PPM1B: variants seen among roughly 807,000 people sequenced by gnomAD.
The protein encoded by PPM1B is protein phosphatase 1B.
PPM1B carries 22 observed loss-of-function variants against 43.0 expected under a neutral mutation model. The ratio of observed to expected loss-of-function variants is 0.51; its 90% CI spans 0.37 to 0.73. The LOEUF (loss-of-function observed/expected upper bound fraction) is 0.73. Ranked by LOEUF, PPM1B falls within the 30% of genes least tolerant of loss-of-function variation. The pLI is 0.00. For synonymous variants in PPM1B, 217 were observed against 197.9 expected (o/e 1.10, Z -0.81); for missense variants, 632 against 584.2 (o/e 1.08, Z -0.84).
chr2:44,179,572 G>A (rs1006393941), intron 1 of PPM1B, among the ~76,000 whole-genome samples: 10 of 152,062 alleles, frequency 6.6e-5, no homozygotes, highest in African/African-American at 2.4e-4. Context: ...TTTTCCTAAT[G>A]ACAAAATCTT....
chr2:44,246,887 C>G (rs1247345911), downstream of PPM1B, among the ~76,000 whole-genome samples: 1 of 152,012 alleles, frequency 6.6e-6, no homozygotes, highest in Non-Finnish European at 1.5e-5. Flanking sequence ...CCTTTTTATT[C>G]TGTATGTATG....
At chr2:44,222,093 G>A (rs1311063642) in intron 5 of PPM1B, among the ~76,000 whole-genome samples, 1 of 152,010 alleles carries the variant, frequency 6.6e-6, no homozygotes, top group African/African-American at 2.4e-5. Context: ...ACTACATTTT[G>A]CTGTAAGTTG....
chr2:44,214,357 C>G (rs1669622367), intron 3 of PPM1B, among the ~76,000 whole-genome samples: 2 of 151,670 alleles, frequency 1.3e-5, no homozygotes, highest in Admixed American at 1.3e-4. Context: ...GCGTGAGCCA[C>G]TGCGCCCGAC....
intron 5 of PPM1B, among the ~76,000 whole-genome samples, chr2:44,222,606 C>G (rs564454548): frequency 6.3e-4 from 96 of 152,250 alleles, no homozygotes; most frequent in African/African-American, 2.2e-3. Flanking sequence ...CAGCACCCTT[C>G]TTTTACACAT....
At chr2:44,233,225 G>T (rs972803013), downstream of PPM1B, 27 of 908,480 alleles carry the variant, frequency 3.0e-5, no homozygotes, top group African/African-American at 1.6e-4. Context: ...AATCATTTAT[G>T]TTATTTTAAA....
intron 5 of PPM1B, among the ~76,000 whole-genome samples, chr2:44,221,538 T>C (rs1023391789): frequency 3.9e-5 from 6 of 152,170 alleles, no homozygotes; most frequent in Admixed American, 2.6e-4. Flanking sequence ...GAAAGTATGC[T>C]AGAATTACAG....
At chr2:44,187,064 C>G (rs1321920851) in intron 1 of PPM1B, among the ~76,000 whole-genome samples, 1 of 152,186 alleles carries the variant, frequency 6.6e-6, no homozygotes, top group Non-Finnish European at 1.5e-5. Flanking sequence ...AAACTCTATG[C>G]CCATTAAACA....
At chr2:44,217,353 C>G (rs1362851109) in intron 3 of PPM1B, among the ~76,000 whole-genome samples, 1 of 150,306 alleles carries the variant, frequency 6.7e-6, no homozygotes, top group Non-Finnish European at 1.5e-5. Flanking sequence ...GAGCCAAGAT[C>G]ACGCCATTGC....
At chr2:44,242,019 C>T (rs953296732) in intron 5 of PPM1B, among the ~76,000 whole-genome samples, 1 of 151,410 alleles carries the variant, frequency 6.6e-6, no homozygotes, top group East Asian at 1.9e-4. Flanking sequence ...CCACCACGCC[C>T]GGCTAATTTT....
intron 1 of PPM1B, among the ~76,000 whole-genome samples, 168 bp downstream of exon 1, chr2:44,169,442 G>A (rs1331227714): frequency 1.3e-5 from 2 of 152,244 alleles, no homozygotes; most frequent in African/African-American, 4.8e-5. Context: ...GCAGGGGAAC[G>A]CCGGGCCTGG....
chr2:44,178,896 C>G (rs1199634290), intron 1 of PPM1B, among the ~76,000 whole-genome samples: 1 of 152,106 alleles, frequency 6.6e-6, no homozygotes, highest in Admixed American at 6.6e-5. Flanking sequence ...TTTATTTAAT[C>G]CAGTATTTCC....
intron 1 of PPM1B, among the ~76,000 whole-genome samples, chr2:44,173,723 A>G (rs1667456758): frequency 6.6e-6 from 1 of 152,160 alleles, no homozygotes; most frequent in Non-Finnish European, 1.5e-5. Flanking sequence ...TTGGTGAATC[A>G]CTTGAGGTCA....
At position 44,201,434 on chromosome 2, in the gene PPM1B, A is replaced by C. The variant is rs772043203; in HGVS notation, c.235A>C (p.Ile79Leu). 1 of 1,614,196 alleles carries C rather than the reference A, an allele frequency of 6.2e-7. No individual in the cohort carries two copies. Among genetic ancestry groups the C allele is most frequent in the Non-Finnish European group, 8.5e-7 (1 of 1,180,024 alleles). Reference sequence around the variant, plus strand: ...CTGCTCAACACATTTATTAGAACACATCACTACTAACGAAGACTTTAGGGC... The same window carrying C: ...CTGCTCAACACATTTATTAGAACACCTCACTACTAACGAAGACTTTAGGGC... ...NYCSTHLLEH[I>L]TTNEDFRAAG... Residue 79 changes from isoleucine to leucine, a missense_variant, in exon 2 of 6, where the codon ATC becomes CTC. Physicochemically the swap from Ile to Leu is conservative, Grantham distance 5. Coordinates refer to ENST00000282412, the MANE Select transcript of PPM1B (RefSeq NM_002706.6). The surrounding 1 kb of genome is among the most constrained non-coding windows in gnomAD (Gnocchi z 5.4).
chr2:44,227,829 C>A (rs1670285949), intron 5 of PPM1B, among the ~76,000 whole-genome samples: 1 of 151,778 alleles, frequency 6.6e-6, no homozygotes, highest in Admixed American at 6.6e-5. Flanking sequence ...CCAGTATCAT[C>A]CATTTTTTGC....
At chr2:44,178,470 A>T (rs1211886854) in intron 1 of PPM1B, among the ~76,000 whole-genome samples, 1 of 76,762 alleles carries the variant, frequency 1.3e-5, no homozygotes, top group African/African-American at 4.3e-5. Context: ...ATATATATAT[A>T]TATATTTTTT....
At chr2:44,209,418 CA>C in intron 3 of PPM1B, 91 bp downstream of exon 3, 2 of 1,343,422 alleles carry the variant, frequency 1.5e-6, no homozygotes, top group Non-Finnish European at 2.0e-6. Flanking sequence ...GGCGACACAC[CA>C]AGGCTCTGTC....
At chr2:44,192,551 G>A (rs1668458000) in intron 1 of PPM1B, among the ~76,000 whole-genome samples, 2 of 152,068 alleles carry the variant, frequency 1.3e-5, no homozygotes, top group Admixed American at 6.6e-5. Context: ...TCTTTAACTT[G>A]ACATTATAAT....
rs756564852 is a variant in PPM1B at position 44,230,746 on chromosome 2, T to C, written c.*28T>C. 1.3e-6 allele frequency: 2 copies of C among 1,594,006 alleles called. No homozygotes were observed. The highest frequency in any genetic ancestry group is 2.2e-5 in the East Asian group (1 of 44,548). On this transcript the variant is annotated 3_prime_UTR_variant, in exon 6 of 6. Transcript: ENST00000282412. ...TTCCTTTTTGGTAATATTTTTGTGA[T>C]CTTTGATGGTTTTTAACCTAGGAAG...
downstream of PPM1B, among the ~76,000 whole-genome samples, chr2:44,236,721 A>G (rs1383192241): frequency 6.6e-6 from 1 of 152,184 alleles, no homozygotes; most frequent in Non-Finnish European, 1.5e-5. Context: ...ATTAACTGGA[A>G]CATGTCCATC....
Sources: gnomAD v4.1 joint callset for allele counts (sites outside exome capture counted in the v4.1 genomes callset) on GRCh38, gnomAD v4.1.1 for gene constraint, Gnocchi (gnomAD v3.1) non-coding constraint, MANE v1.5 for transcripts, NCBI Gene and HGNC (gene_info 2026-07-23, HGNC 2026-07-21) for gene names.